COCH: variants seen among roughly 807,000 people sequenced by gnomAD.
COCH encodes the protein cochlin.
In COCH, 40 loss-of-function variants were observed where a neutral mutation model predicts 54.8. The ratio of observed to expected loss-of-function variants is 0.73; its 90% confidence interval spans 0.57 to 0.95. COCH has a LOEUF of 0.95. Ranked by LOEUF, COCH falls within the 40% of genes least tolerant of loss-of-function variation. COCH has a pLI of 0.00. For synonymous variants in COCH, 256 were observed against 237.9 expected, an observed-to-expected ratio of 1.08 and a Z score of -0.70; for missense variants, 605 against 675.0, an observed-to-expected ratio of 0.90 and a Z score of 1.15.
intron 9 of COCH, chr14:30,884,990 G>A (rs1410277637): frequency 1.9e-6 from 3 of 1,598,250 alleles, no homozygotes; most frequent in African/African-American, 2.7e-5. Context: ...TGCAGATGTG[G>A]CAGAAAGAAT....
chr14:30,876,344 A>G (rs1040899488), intron 3 of COCH: 1 of 152,220 alleles, frequency 6.6e-6, no homozygotes, highest in Non-Finnish European at 1.5e-5. Flanking sequence ...TTAGGTTGAC[A>G]GTGTAAAACT....
At chr14:30,892,847 A>T (rs1439343513), downstream of COCH, among the ~76,000 whole-genome samples, 1 of 151,958 alleles carries the variant, frequency 6.6e-6, no homozygotes, top group Non-Finnish European at 1.5e-5. Flanking sequence ...AAAGTTTTAG[A>T]TTTTCGTCAA....
chr14:30,875,056 G>T lies in COCH; in HGVS notation c.35G>T (p.Gly12Val). 6.2e-7 allele frequency: 1 copy of T among 1,609,862 alleles called. No homozygotes were observed. Among genetic ancestry groups the T allele is most frequent in the Non-Finnish European group, 8.5e-7 (1 of 1,178,672 alleles). ...SAAWIPALGL[G>V]VCLLLLPGPA... Reference sequence around the variant, plus strand: ...AGCCCTCACGCTTCTCTCTTCGCAGGTGTGTGTCTGCTGCTGCTGCCGGGG... The same window carrying T: ...AGCCCTCACGCTTCTCTCTTCGCAGTTGTGTGTCTGCTGCTGCTGCCGGGG... The change falls in exon 3 of 12, where the codon GGT becomes GTT. Residue 12 changes from glycine (G) to valine (V), a missense_variant and splice_region_variant. Physicochemically the swap from Gly to Val is moderately radical, Grantham distance 109. Coordinates refer to ENST00000396618, the MANE Select transcript of COCH (RefSeq NM_004086.3).
intron 8 of COCH, 80 bp downstream of exon 8, chr14:30,880,814 G>T: frequency 9.7e-7 from 1 of 1,033,836 alleles, no homozygotes; most frequent in Non-Finnish European, 1.5e-6. Flanking sequence ...ATACTTATGG[G>T]GTACATAGTG....
At position 30,885,924 on chromosome 14, in the gene COCH, TAACTCAGTG is replaced by T; in HGVS notation, c.1093_1101del (p.Ser365_Asn367del). On this transcript the variant is annotated inframe_deletion, in exon 11 of 12. Transcript: ENST00000396618. Reference sequence around the variant, plus strand: ...AAATGATGTGCAGCAAGACCTGTTATAACTCAGTGAACATTGCCTTTCTAATTGATGGCT... The same window carrying T: ...AAATGATGTGCAGCAAGACCTGTTATAACATTGCCTTTCTAATTGATGGCT... 1 of 1,614,240 alleles carries T rather than the reference TAACTCAGTG, an allele frequency of 6.2e-7. No individual in the cohort carries two copies. The highest frequency in any genetic ancestry group is 8.5e-7 in the Non-Finnish European group (1 of 1,180,036).
intron 3 of COCH, among the ~76,000 whole-genome samples, chr14:30,876,933 A>G (rs1451631059): frequency 6.6e-6 from 1 of 151,942 alleles, no homozygotes; most frequent in Non-Finnish European, 1.5e-5. Context: ...CCAGTGGCGG[A>G]GAGTACAGGC....
In COCH at chr14:30,878,895, C is replaced by A. The variant is rs946162536; in HGVS notation, c.324C>A (p.Gly108=). 6.2e-7 allele frequency: 1 copy of A among 1,614,010 alleles called. No homozygotes were observed. The highest frequency in any genetic ancestry group is 1.3e-5 in the African/African-American group (1 of 74,926). ...ACTATTCCTCAGTAGATGCCAATGG[C>A]ATCCAGTCTCAAATGCTTTCTAGAT... is the stretch of plus-strand genomic sequence containing the variant. The part of the protein sequence containing the change: ...RENYSSVDAN[G]IQSQMLSRWS... Residue 108 remains glycine (G), a synonymous_variant, in exon 5 of 12, where the codon GGC becomes GGA. Transcript: ENST00000396618.
Position 30,880,467 on chromosome 14 carries a change from A to G in COCH, c.452A>G (p.Lys151Arg). ...AHPPTGKRLK[K>R]TPEKKTGNKD... ...TTTATTTCAGGTAAACGACTAAAGA[A>G]AACACCCGAGAAGAAAACTGGCAAT... The change falls in exon 7 of 12, where the codon AAA becomes AGA. Residue 151 changes from lysine to arginine, a missense_variant. Coordinates refer to ENST00000396618, the MANE Select transcript of COCH (RefSeq NM_004086.3). 6.2e-7 allele frequency: 1 copy of G among 1,614,162 alleles called. No individual in the cohort carries two copies. The highest frequency in any genetic ancestry group is 8.5e-7 in the Non-Finnish European group (1 of 1,180,026).
In COCH at chr14:30,880,734, G is replaced by A. The variant is rs768368801; in HGVS notation, c.629G>A (p.Ser210Asn). ...CCACATGTGGGCCTTGTTCAAGCCA[G>A]GTACCAACCTTGTTAAAATGGGAGA... is the stretch of plus-strand genomic sequence containing the variant. ...EGPHVGLVQA[S>N]EHPKIEFYLK... Residue 210 changes from serine (S) to asparagine (N), a missense_variant and splice_region_variant, in exon 8 of 12, where the codon AGT (serine) becomes AAT (asparagine). Transcript: ENST00000396618. 1.9e-6 allele frequency: 3 copies of A among 1,610,992 alleles called. No homozygotes were observed. Among genetic ancestry groups the A allele is most frequent in the South Asian group, 2.2e-5 (2 of 90,952 alleles).
Position 30,885,793 on chromosome 14 carries a change from T to G in COCH, c.961-3T>G. ...GATATCTTTTATGTGTCTCCCCCATTAGGCTGTCTGTCGGAATAATGGCTT... is the reference window on the plus strand; with the variant it reads ...GATATCTTTTATGTGTCTCCCCCATGAGGCTGTCTGTCGGAATAATGGCTT... On this transcript the variant is annotated splice_region_variant and splice_polypyrimidine_tract_variant and intron_variant, in intron 10 of 11. Coordinates refer to ENST00000396618, the MANE Select transcript of COCH (RefSeq NM_004086.3). 1 of 1,613,982 alleles carries G rather than the reference T, an allele frequency of 6.2e-7. No homozygotes were observed. The highest frequency in any genetic ancestry group is 8.5e-7 in the Non-Finnish European group (1 of 1,179,962).
intron 11 of COCH, 115 bp from the exon 12 acceptor site, chr14:30,889,501 A>G (rs1371271058): frequency 4.5e-6 from 4 of 895,582 alleles, no homozygotes; most frequent in Non-Finnish European, 7.2e-6. Context: ...TTGTCCAGAA[A>G]TTAGTAAGCA....
In COCH at chr14:30,877,555, A is replaced by G. The variant is rs762738272; in HGVS notation, c.83-17A>G. 2 of 1,613,666 alleles carry G rather than the reference A, an allele frequency of 1.2e-6. No individual in the cohort carries two copies. The highest frequency in any genetic ancestry group is 3.3e-5 in the Admixed American group (2 of 60,000). ...AAGTCCTAAGAATGCTTACAATATTATCTCCTTTTTCTTCAGCTCCCATTG... is the reference window on the plus strand; with the variant it reads ...AAGTCCTAAGAATGCTTACAATATTGTCTCCTTTTTCTTCAGCTCCCATTG... On this transcript the variant is annotated splice_polypyrimidine_tract_variant and intron_variant, in intron 3 of 11. Transcript: ENST00000396618. The surrounding 1 kb of genome is among the most constrained non-coding windows in gnomAD (Gnocchi z 8.6).
chr14:30,875,245 C>G (rs1413711894), intron 3 of COCH, 142 bp downstream of exon 3: 1 of 1,209,090 alleles, frequency 8.3e-7, no homozygotes, highest in Non-Finnish European at 1.1e-6. Flanking sequence ...CCGCGTGGCG[C>G]GCCCGCGTTA....
chr14:30,886,063 C>G lies in COCH; in HGVS notation c.1228C>G (p.Gln410Glu). ...CATTGGTGCCAAGATAGCTGCTGTA[C>G]AGTTTACTTATGATCAGCGCACGGA... ...SDIGAKIAAV[Q>E]FTYDQRTEFS... The change falls in exon 11 of 12, where the codon CAG becomes GAG. Residue 410 changes from glutamine (Q) to glutamate (E), a missense_variant. Gln to Glu is a conservative substitution (Grantham distance 29). Coordinates refer to ENST00000396618, the MANE Select transcript of COCH (RefSeq NM_004086.3). 6.2e-7 allele frequency: 1 copy of G among 1,614,220 alleles called. No homozygotes were observed. The highest frequency in any genetic ancestry group is 1.3e-5 in the African/African-American group (1 of 75,070).
At chr14:30,882,120 G>GTTTTGTTTTTTTTTTTTTT (rs1895617844) in intron 8 of COCH, among the ~76,000 whole-genome samples, 2 of 67,894 alleles carry the variant, frequency 2.9e-5, no homozygotes, top group Non-Finnish European at 5.4e-5. Context: ...CTATAAAATG[G>GTTTTGTTTTTTTTTTTTTT]TTTTTTTTTT....
downstream of COCH, among the ~76,000 whole-genome samples, chr14:30,893,563 T>C (rs976974639): frequency 2.0e-5 from 3 of 152,220 alleles, no homozygotes; most frequent in Non-Finnish European, 2.9e-5. Context: ...CTGCCATTAA[T>C]TGAAATTCAG....
chr14:30,888,228 A>G (rs1265107647), intron 11 of COCH, among the ~76,000 whole-genome samples: 1 of 151,924 alleles, frequency 6.6e-6, no homozygotes, highest in African/African-American at 2.4e-5. Flanking sequence ...GAGGGGGAGG[A>G]AAAAAATATT....
intron 9 of COCH, chr14:30,885,045 C>A (rs1478793044): frequency 1.3e-6 from 2 of 1,595,866 alleles, no homozygotes; most frequent in Non-Finnish European, 8.5e-7. Context: ...CTTAGAGGTA[C>A]TAATCAGTCA....
chr14:30,885,706 G>A, intron 10 of COCH, 86 bp downstream of exon 10: 1 of 1,540,418 alleles, frequency 6.5e-7, no homozygotes, highest in South Asian at 1.1e-5. Context: ...CTCTTATCTA[G>A]ATTAACTTGA....
Sources: gnomAD v4.1 joint callset for allele counts (sites outside exome capture counted in the v4.1 genomes callset) on GRCh38, gnomAD v4.1.1 for gene constraint, Gnocchi (gnomAD v3.1) non-coding constraint, MANE v1.5 for transcripts, NCBI Gene and HGNC (gene_info 2026-07-23, HGNC 2026-07-21) for gene names.